SDK1: variants seen among roughly 807,000 people sequenced by gnomAD.
SDK1 encodes the protein protein sidekick-1.
A neutral mutation model predicts 245.5 loss-of-function variants in SDK1; 157 were observed. That is an observed-to-expected ratio of 0.64 (90% CI 0.56 to 0.73). SDK1 has a LOEUF of 0.73. Ranked by LOEUF, SDK1 falls within the 30% of genes least tolerant of loss-of-function variation. The pLI, the probability that SDK1 is intolerant of heterozygous loss-of-function variation, is 0.00. For missense variants in SDK1, 3,583 were observed against 3,002.3 expected (o/e 1.19, Z -4.52); for synonymous variants, 1,647 against 1,278.5 (o/e 1.29, Z -6.15).
intron 20 of SDK1, among the ~76,000 whole-genome samples, chr7:4,070,590 C>A (rs150649328): frequency 1.2e-4 from 18 of 152,196 alleles, no homozygotes; most frequent in South Asian, 4.1e-4. Flanking sequence ...CCAGTGCCAA[C>A]CCCACCACTA....
At chr7:3,715,260 G>C (rs1343063448) in intron 4 of SDK1, among the ~76,000 whole-genome samples, 1 of 151,806 alleles carries the variant, frequency 6.6e-6, no homozygotes, top group Non-Finnish European at 1.5e-5. Context: ...TTGCAGATGA[G>C]CTGCAGACTA....
intron 7 of SDK1, among the ~76,000 whole-genome samples, chr7:3,953,463 A>C (rs1390240434): frequency 6.6e-6 from 1 of 152,236 alleles, no homozygotes; most frequent in Non-Finnish European, 1.5e-5. Flanking sequence ...CTTCCGCTAC[A>C]GATGTAAATA....
chr7:4,206,085 C>A (rs1784207651), intron 36 of SDK1, 91 bp downstream of exon 36: 1 of 826,328 alleles, frequency 1.2e-6, no homozygotes. Context: ...GCAGCAGACC[C>A]CGCAGGCGCT....
intron 4 of SDK1, among the ~76,000 whole-genome samples, chr7:3,747,478 A>G (rs1779658003): frequency 6.6e-6 from 1 of 152,220 alleles, no homozygotes; most frequent in African/African-American, 2.4e-5. Context: ...TTTGTTTACT[A>G]AGATTTTATT....
intron 22 of SDK1, among the ~76,000 whole-genome samples, chr7:4,088,827 C>G: frequency 6.6e-6 from 1 of 152,202 alleles, no homozygotes; most frequent in East Asian, 1.9e-4. Flanking sequence ...AGTGTATTTT[C>G]TCACCAGTTT....
At chr7:3,772,492 G>A (rs1420639352) in intron 4 of SDK1, among the ~76,000 whole-genome samples, 1 of 151,976 alleles carries the variant, frequency 6.6e-6, no homozygotes, top group Admixed American at 6.6e-5. Flanking sequence ...AAATAACATA[G>A]AAATCAAAAT....
intron 1 of SDK1, among the ~76,000 whole-genome samples, chr7:3,618,016 C>G (rs1308755353): frequency 3.9e-5 from 6 of 151,990 alleles, no homozygotes; most frequent in South Asian, 2.1e-4. Context: ...ATCTTGGGGA[C>G]TTTTGTAGAA....
rs150285154 is a variant in SDK1 at position 4,045,644 on chromosome 7, GAAAGCACC to G, written c.2603-3700_2603-3693del. Among the ~76,000 whole-genome samples, 1,230 of 152,310 alleles carry G rather than the reference GAAAGCACC, an allele frequency of 8.1e-3. 16 individuals are homozygous for G. Among genetic ancestry groups the G allele is most frequent in the South Asian group, 0.03 (146 of 4,826 alleles). On this transcript the variant is annotated intron_variant, in intron 17 of 44. Transcript: ENST00000404826. ...GGCTCGCGCATGTTTAACTTCGTAA[GAAAGCACC>G]AAACGGTCCCACCAGGTGGCCGTGC...
chr7:4,147,074 C>A (rs1332951902), intron 29 of SDK1, among the ~76,000 whole-genome samples: 1 of 152,236 alleles, frequency 6.6e-6, no homozygotes, highest in Non-Finnish European at 1.5e-5. Context: ...ACTCCAGGTC[C>A]TGATGTCATG....
intron 2 of SDK1, among the ~76,000 whole-genome samples, chr7:3,637,053 CAGAGAGAG>C (rs10577617): frequency 2.0e-5 from 3 of 148,546 alleles, no homozygotes; most frequent in Non-Finnish European, 4.5e-5. Flanking sequence ...TTTCCTGATG[CAGAGAGAG>C]AGAGAGAGAG....
At chr7:3,510,945 A>G (rs1351765295) in intron 1 of SDK1, among the ~76,000 whole-genome samples, 1 of 152,250 alleles carries the variant, frequency 6.6e-6, no homozygotes, top group Non-Finnish European at 1.5e-5. Context: ...GGAAGCCATC[A>G]GAACAAGAAG....
At chr7:3,664,052 C>G (rs1288064928) in intron 4 of SDK1, among the ~76,000 whole-genome samples, 1 of 152,062 alleles carries the variant, frequency 6.6e-6, no homozygotes, top group Non-Finnish European at 1.5e-5. Context: ...GTTTATTTTC[C>G]CTTTGTTCTT....
intron 7 of SDK1, 94 bp from the exon 8 acceptor site, chr7:3,958,836 TG>T (rs1781457733): frequency 6.3e-6 from 6 of 959,212 alleles, no homozygotes; most frequent in Non-Finnish European, 9.8e-6. Flanking sequence ...TTTTCAAGAA[TG>T]GTTTTTAAGA....
At chr7:3,781,260 C>T (rs991601996) in intron 4 of SDK1, among the ~76,000 whole-genome samples, 3 of 152,094 alleles carry the variant, frequency 2.0e-5, no homozygotes, top group African/African-American at 7.2e-5. Context: ...GAAGTCATTG[C>T]AGTACTTAGC....
intron 4 of SDK1, among the ~76,000 whole-genome samples, chr7:3,775,245 A>C (rs1780519207): frequency 6.6e-6 from 1 of 152,120 alleles, no homozygotes; most frequent in Non-Finnish European, 1.5e-5. Context: ...GTCTTTCTTC[A>C]CTATTTTGGC....
At chr7:3,538,026 G>T (rs924070867) in intron 1 of SDK1, among the ~76,000 whole-genome samples, 6 of 152,138 alleles carry the variant, frequency 3.9e-5, no homozygotes, top group Admixed American at 3.9e-4. Flanking sequence ...TTTTTTTCCT[G>T]CCTTTCGTGG....
At chr7:3,801,156 C>G (rs1012145667) in intron 4 of SDK1, among the ~76,000 whole-genome samples, 4 of 152,202 alleles carry the variant, frequency 2.6e-5, no homozygotes, top group Non-Finnish European at 4.4e-5. Context: ...AGACACATCA[C>G]TATTTCATTT....
chr7:3,933,646 G>A (rs966717746), intron 5 of SDK1, among the ~76,000 whole-genome samples: 2 of 152,194 alleles, frequency 1.3e-5, no homozygotes, highest in Admixed American at 1.3e-4. Context: ...AAGCATGGCA[G>A]AGGAAGTGTT....
At chr7:3,484,958 A>C (rs1781637485) in intron 1 of SDK1, among the ~76,000 whole-genome samples, 1 of 152,204 alleles carries the variant, frequency 6.6e-6, no homozygotes, top group Non-Finnish European at 1.5e-5. Context: ...AGCTGTAGTA[A>C]ACGTGGGACT....
Sources: gnomAD v4.1 joint callset for allele counts (sites outside exome capture counted in the v4.1 genomes callset) on GRCh38, gnomAD v4.1.1 for gene constraint, MANE v1.5 for transcripts, NCBI Gene and HGNC (gene_info 2026-07-23, HGNC 2026-07-21) for gene names.